ZFYVE9: variants seen among roughly 807,000 people sequenced by gnomAD.
ZFYVE9 encodes zinc finger FYVE domain-containing protein 9.
In ZFYVE9, 43 loss-of-function variants were observed where a neutral mutation model predicts 126.7. The observed-to-expected ratio is 0.34, with a 90% CI of 0.27 to 0.44. The LOEUF (loss-of-function observed/expected upper bound fraction) is 0.44. Among genes scored for constraint, ZFYVE9 ranks in the 20% least tolerant of loss-of-function variants. The pLI is 1.00. For missense variants in ZFYVE9, 1,476 were observed against 1,697.0 expected, an observed-to-expected ratio of 0.87 and a Z score of 2.29; for synonymous variants, 521 against 597.4, an observed-to-expected ratio of 0.87 and a Z score of 1.87.
chr1:52,269,868 G>A (rs60980660), intron 7 of ZFYVE9, among the ~76,000 whole-genome samples: 2 of 151,692 alleles, frequency 1.3e-5, no homozygotes, highest in Non-Finnish European at 2.9e-5. Flanking sequence ...GCTCTCTGCA[G>A]CCTTAACGTC....
At chr1:52,144,553 T>C (rs188845210) in intron 1 of ZFYVE9, among the ~76,000 whole-genome samples, 3 of 152,124 alleles carry the variant, frequency 2.0e-5, no homozygotes, top group Admixed American at 2.0e-4. Flanking sequence ...TAAAATTAAC[T>C]AACCTTGCTG....
At chr1:52,144,935 A>G (rs868294547) in intron 1 of ZFYVE9, among the ~76,000 whole-genome samples, 2 of 152,214 alleles carry the variant, frequency 1.3e-5, no homozygotes, top group Admixed American at 6.5e-5. Flanking sequence ...ATTTTTATAC[A>G]ATTTTGGCTT....
At chr1:52,326,810 A>G (rs1490118315) in intron 13 of ZFYVE9, among the ~76,000 whole-genome samples, 2 of 152,022 alleles carry the variant, frequency 1.3e-5, no homozygotes, top group Non-Finnish European at 2.9e-5. Flanking sequence ...TGGAGGCTGC[A>G]ATGAGCCAAG....
At chr1:52,266,481 TG>T (rs997012347) in intron 5 of ZFYVE9, among the ~76,000 whole-genome samples, 173 bp from the exon 6 acceptor site, 5 of 150,550 alleles carry the variant, frequency 3.3e-5, no homozygotes, top group African/African-American at 1.2e-4. Context: ...CTTGGCTAAA[TG>T]GTCTCCTTTA....
intron 10 of ZFYVE9, among the ~76,000 whole-genome samples, chr1:52,286,121 A>T (rs962490948): frequency 6.6e-6 from 1 of 151,078 alleles, no homozygotes; most frequent in African/African-American, 2.4e-5. Context: ...GTGCCATTGC[A>T]CTCCAGCTTG....
chr1:52,296,180 C>T lies in ZFYVE9; in HGVS notation c.3333+203C>T, dbSNP rs1042089863. On this transcript the variant is annotated intron_variant, in intron 12 of 18. Transcript: ENST00000287727. ...ATACATATATATTCATATGTATACA[C>T]ACACACACACACACATATATATATT... 2.0e-5 allele frequency among the ~76,000 whole-genome samples: 3 copies of T among 151,720 alleles called. No individual in the cohort carries two copies. In the South Asian group the frequency reaches 6.3e-4, roughly 32 times the overall value.
chr1:52,253,244 A>G (rs533737423), intron 4 of ZFYVE9, among the ~76,000 whole-genome samples: 1 of 152,216 alleles, frequency 6.6e-6, no homozygotes, highest in African/African-American at 2.4e-5. Flanking sequence ...GAAGTTGGTT[A>G]TACAGTATCA....
intron 13 of ZFYVE9, among the ~76,000 whole-genome samples, chr1:52,318,205 A>C (rs1432296668): frequency 6.6e-6 from 1 of 152,344 alleles, no homozygotes; most frequent in Non-Finnish European, 1.5e-5. Context: ...ATTATGACTA[A>C]ACATGGTTTA....
intron 8 of ZFYVE9, 85 bp downstream of exon 8, chr1:52,274,669 G>A (rs920615446): frequency 7.6e-5 from 106 of 1,386,582 alleles, no homozygotes; most frequent in Non-Finnish European, 9.7e-5. Flanking sequence ...GAATTTGAGT[G>A]ACATTCACCT....
chr1:52,187,672 A>G (rs1386995699), intron 1 of ZFYVE9, among the ~76,000 whole-genome samples: 2 of 152,240 alleles, frequency 1.3e-5, no homozygotes, highest in Non-Finnish European at 2.9e-5. Flanking sequence ...AAGAAGACAT[A>G]CATGTGCGAC....
intron 13 of ZFYVE9, among the ~76,000 whole-genome samples, chr1:52,310,052 A>C (rs115408733): frequency 2.0e-3 from 297 of 149,312 alleles, no homozygotes; most frequent in East Asian, 0.012. Flanking sequence ...GCTCACTGCA[A>C]CCTCTGCATC....
At chr1:52,214,218 G>A (rs961151261) in intron 1 of ZFYVE9, among the ~76,000 whole-genome samples, 2 of 152,190 alleles carry the variant, frequency 1.3e-5, no homozygotes. Context: ...CTTGAGGTCA[G>A]TAGTTTGAGA....
At chr1:52,322,711 C>T (rs1299212107) in intron 13 of ZFYVE9, among the ~76,000 whole-genome samples, 1 of 151,790 alleles carries the variant, frequency 6.6e-6, no homozygotes, top group Non-Finnish European at 1.5e-5. Context: ...CATATCACTC[C>T]TCTGCTTAAA....
intron 4 of ZFYVE9, among the ~76,000 whole-genome samples, chr1:52,245,305 A>G (rs1645373989): frequency 6.6e-6 from 1 of 151,996 alleles, no homozygotes; most frequent in African/African-American, 2.4e-5. Context: ...AAAACATACC[A>G]CTCATGTTAC....
At chr1:52,253,993 A>G in intron 4 of ZFYVE9, 1 of 788,122 alleles carries the variant, frequency 1.3e-6, no homozygotes, top group Non-Finnish European at 2.3e-6. Context: ...TATTCCCTTA[A>G]CTGATAATCA....
At chr1:52,183,871 T>G (rs75613364) in intron 1 of ZFYVE9, among the ~76,000 whole-genome samples, 1 of 150,848 alleles carries the variant, frequency 6.6e-6, no homozygotes, top group Non-Finnish European at 1.5e-5. Flanking sequence ...TTTTTTTTTT[T>G]TGAGATGGAG....
chr1:52,324,152 G>A (rs2147862098), intron 13 of ZFYVE9, among the ~76,000 whole-genome samples: 1 of 152,240 alleles, frequency 6.6e-6, no homozygotes, highest in South Asian at 2.1e-4. Flanking sequence ...GGGAGGCTGA[G>A]GTGGGAGGCT....
intron 1 of ZFYVE9, among the ~76,000 whole-genome samples, chr1:52,177,421 C>G (rs999354813): frequency 2.6e-5 from 4 of 152,212 alleles, no homozygotes; most frequent in African/African-American, 7.2e-5. Context: ...TGCTGGATTA[C>G]AGGCGTGAGC....
chr1:52,210,149 C>T (rs975634643), intron 1 of ZFYVE9, among the ~76,000 whole-genome samples: 4 of 152,068 alleles, frequency 2.6e-5, no homozygotes, highest in African/African-American at 9.7e-5. Flanking sequence ...ACTTAAGTTT[C>T]TGAGTTTATG....
Sources: gnomAD v4.1 joint callset for allele counts (sites outside exome capture counted in the v4.1 genomes callset) on GRCh38, gnomAD v4.1.1 for gene constraint, MANE v1.5 for transcripts, NCBI Gene and HGNC (gene_info 2026-07-23, HGNC 2026-07-21) for gene names.